Variants in NRDE2 observed in about 807,000 individuals in gnomAD.
NRDE2 encodes NRDE-2, necessary for RNA interference, domain containing, also known as nuclear exosome regulator NRDE2.
NRDE2 carries 76 observed loss-of-function variants against 124.2 expected under a neutral mutation model. The ratio of observed to expected loss-of-function variants is 0.61; its 90% confidence interval spans 0.51 to 0.74. The LOEUF is 0.74. Among genes scored for constraint, NRDE2 ranks in the 30% least tolerant of loss-of-function variants. The pLI is 0.00. For missense variants in NRDE2, 1,314 were observed against 1,417.3 expected (o/e 0.93, Z 1.17); for synonymous variants, 489 against 528.1 (o/e 0.93, Z 1.01).
At position 90,271,561 on chromosome 14, in the gene NRDE2, T is replaced by C. The variant is rs187232848; in HGVS notation, c.*6775A>G. 1 of 152,222 alleles carries C rather than the reference T, an allele frequency of 6.6e-6. No individual in the cohort carries two copies. The highest frequency in any genetic ancestry group is 1.5e-5 in the Non-Finnish European group (1 of 68,048). 9.4% of individuals were successfully genotyped at this position (152,222 alleles called of 1,614,324 possible). ...ACTTACAGTATCTAACCAGAATACA[T>C]GTTCTTTTATGACTATAAGTAAATG... On this transcript the variant is annotated 3_prime_UTR_variant, in exon 14 of 14. Coordinates refer to ENST00000354366, the MANE Select transcript of NRDE2 (RefSeq NM_017970.4).
In NRDE2 at chr14:90,288,687, G is replaced by A. The variant is rs759460055; in HGVS notation, c.2688C>T (p.Pro896=). The change falls in exon 11 of 14, where the codon CCC becomes CCT. Residue 896 remains proline, a synonymous_variant. Transcript: ENST00000354366. ...TAATTAGGCGGCTACAGGAATCGGT[G>A]GGAGCTGGATTGGAGACACAGCTGT... is the stretch of plus-strand genomic sequence containing the variant. ...LGDSCVSNPA[P]TDSCSRLISL... is the part of the protein sequence containing the mutation. 4.3e-6 allele frequency: 7 copies of A among 1,614,226 alleles called. No individual in the cohort carries two copies. The highest frequency in any genetic ancestry group is 5.9e-6 in the Non-Finnish European group (7 of 1,180,054).
chr14:90,276,722 C>A lies in NRDE2; in HGVS notation c.*1614G>T, dbSNP rs1891813360. 6.6e-6 allele frequency: 1 copy of A among 152,188 alleles called. No individual in the cohort carries two copies. Among genetic ancestry groups the A allele is most frequent in the African/African-American group, 2.4e-5 (1 of 41,420 alleles). The allele number at this position is 152,188 out of a possible 1,614,324, so 9.4% of individuals were successfully genotyped here. A position where few individuals can be genotyped will look rare whatever the true frequency, so the allele number is the denominator to read the frequency against. On this transcript the variant is annotated 3_prime_UTR_variant, in exon 14 of 14. Coordinates refer to ENST00000354366, the MANE Select transcript of NRDE2 (RefSeq NM_017970.4). Reference sequence around the variant, plus strand: ...TTCCTGGCTCTCAAGGGACAGGTTGCCACTGGGGTTTGGAGGGAACCAGCT... The same window carrying A: ...TTCCTGGCTCTCAAGGGACAGGTTGACACTGGGGTTTGGAGGGAACCAGCT...
At chr14:90,287,535 C>T (rs1025189532) in intron 11 of NRDE2, among the ~76,000 whole-genome samples, 2 of 152,062 alleles carry the variant, frequency 1.3e-5, no homozygotes, top group Non-Finnish European at 2.9e-5. Flanking sequence ...GTGGGAGGAT[C>T]ACTTGAGCCC....
At chr14:90,307,366 C>G (rs1884644457) in intron 4 of NRDE2, among the ~76,000 whole-genome samples, 1 of 152,148 alleles carries the variant, frequency 6.6e-6, no homozygotes, top group East Asian at 1.9e-4. Context: ...TATACAGGAC[C>G]TAGGCTATAA....
At chr14:90,286,634 C>T (rs553502272) in intron 11 of NRDE2, 142 bp from the exon 12 acceptor site, 4 of 1,064,714 alleles carry the variant, frequency 3.8e-6, no homozygotes, top group African/African-American at 1.6e-5. Context: ...AGGCGTAGAG[C>T]GCTGTGTATG....
At position 90,292,794 on chromosome 14, in the gene NRDE2, G is replaced by A. The variant is rs1479327117; in HGVS notation, c.1745C>T (p.Ala582Val). ...KTLPRWQIWL[A>V]AERSRDQRHW... is the part of the protein sequence containing the mutation. ...CCTCTGGTCACGGGAACGCTCAGCA[G>A]CAAGCCAGATCTGCCACCTGGGCAG... Residue 582 changes from alanine (A) to valine (V), a missense_variant, in exon 9 of 14, where the codon GCT becomes GTT. Transcript: ENST00000354366. The A allele has an allele frequency of 4.0e-5, 64 of 1,614,236 alleles. No individual in the cohort carries two copies. The highest frequency in any genetic ancestry group is 5.4e-5 in the Non-Finnish European group (64 of 1,180,034).
rs575602251 is a variant in NRDE2 at position 90,307,611 on chromosome 14, C to T, written c.558-3229G>A. Among the ~76,000 whole-genome samples, 8 of 152,020 alleles carry T rather than the reference C, an allele frequency of 5.3e-5. 1 individual carries two copies. The South Asian group carries it at 1.0e-3, about 20-fold the overall frequency. On this transcript the variant is annotated intron_variant, in intron 4 of 13. Coordinates refer to ENST00000354366, the MANE Select transcript of NRDE2 (RefSeq NM_017970.4). ...CTGCTCTTGAACTCCTGACCTCAAGCGATCCGCCCGCCTCAGCACTTTGGG... is the reference window on the plus strand; with the variant it reads ...CTGCTCTTGAACTCCTGACCTCAAGTGATCCGCCCGCCTCAGCACTTTGGG...
At position 90,304,155 on chromosome 14, in the gene NRDE2, G is replaced by A. The variant is rs183085971; in HGVS notation, c.785C>T (p.Ala262Val). ...ATTCAACCAGGTTGTAACAGGAGCC[G>A]CATCTTCCAAGTCCTTCACTGGTAT... ...SFIPVKDLED[A>V]APVTTWLNPL... The change falls in exon 5 of 14, where the codon GCG becomes GTG. Residue 262 changes from alanine to valine, a missense_variant. Transcript: ENST00000354366. 7.4e-4 allele frequency: 1,195 copies of A among 1,614,180 alleles called. 2 individuals carry two copies. Among genetic ancestry groups the A allele is most frequent in the South Asian group, 1.6e-3 (149 of 91,088 alleles).
chr14:90,270,781 T>G lies in NRDE2; in HGVS notation c.*7555A>C, dbSNP rs992352303. 1 of 154,248 alleles carries G rather than the reference T, an allele frequency of 6.5e-6. No individual in the cohort carries two copies. The highest frequency in any genetic ancestry group is 1.4e-5 in the Non-Finnish European group (1 of 69,512). The allele number at this position is 154,248 out of a possible 1,614,324, so 9.6% of individuals were successfully genotyped here. ...TACCAGATTATACTTCTTGGTTTTA[T>G]GACAAATGTACATGAGTTAGGACAT... On this transcript the variant is annotated 3_prime_UTR_variant, in exon 14 of 14. Transcript: ENST00000354366.
At chr14:90,309,060 G>A (rs964109911) in intron 4 of NRDE2, among the ~76,000 whole-genome samples, 5 of 151,934 alleles carry the variant, frequency 3.3e-5, no homozygotes, top group Non-Finnish European at 7.4e-5. Flanking sequence ...GGCTAAAACG[G>A]TGAAACTCCA....
intron 8 of NRDE2, among the ~76,000 whole-genome samples, chr14:90,295,382 A>C (rs1017446577): frequency 1.3e-5 from 2 of 152,310 alleles, no homozygotes; most frequent in East Asian, 1.9e-4. Flanking sequence ...GCATTCTATT[A>C]TTCCACCAAT....
chr14:90,279,165 T>C (rs1415442124), intron 12 of NRDE2, 32 bp from the exon 13 acceptor site: 4 of 1,531,658 alleles, frequency 2.6e-6, no homozygotes, highest in Middle Eastern at 1.7e-4. Context: ...ACAAACATGA[T>C]TAGTTGACAC....
At chr14:90,301,144 CATT>C in intron 7 of NRDE2, 92 bp downstream of exon 7, 1 of 1,258,890 alleles carries the variant, frequency 7.9e-7, no homozygotes. Flanking sequence ...CACCACCTCT[CATT>C]ATCCACACCA....
chr14:90,309,561 C>G (rs1884752567), intron 4 of NRDE2, among the ~76,000 whole-genome samples: 1 of 152,082 alleles, frequency 6.6e-6, no homozygotes. Context: ...TTCCTATCTC[C>G]CTCACAGTTA....
chr14:90,328,771 G>A (rs2139721401), intron 1 of NRDE2, among the ~76,000 whole-genome samples: 1 of 152,314 alleles, frequency 6.6e-6, no homozygotes, highest in African/African-American at 2.4e-5. Flanking sequence ...GACACTATGA[G>A]GATTTGGTGG....
chr14:90,316,654 C>G lies in NRDE2; in HGVS notation c.331G>C (p.Glu111Gln), dbSNP rs1260693178. The G allele has an allele frequency of 6.2e-7, 1 of 1,614,094 alleles. No homozygotes were observed. Among genetic ancestry groups the G allele is most frequent in the East Asian group, 2.2e-5 (1 of 44,902 alleles). ...TCCTTTTCAGAATCGGTGTCTGTCT[C>G]AGACCTGCTGCTACTCGACGGCCCA... ...KHGPSSSSRS[E>Q]TDTDSEKDKP... The change falls in exon 3 of 14, where the codon GAG becomes CAG. Residue 111 changes from glutamate to glutamine, a missense_variant. By Grantham distance (29) the Glu-to-Gln change is conservative. Coordinates refer to ENST00000354366, the MANE Select transcript of NRDE2 (RefSeq NM_017970.4).
chr14:90,327,292 G>A (rs1885475230), intron 1 of NRDE2, among the ~76,000 whole-genome samples: 1 of 152,240 alleles, frequency 6.6e-6, no homozygotes, highest in Non-Finnish European at 1.5e-5. Flanking sequence ...GCTCATGCCT[G>A]TAATCCCAGC....
intron 1 of NRDE2, among the ~76,000 whole-genome samples, chr14:90,328,402 G>T (rs895236328): frequency 2.0e-5 from 3 of 151,568 alleles, no homozygotes; most frequent in Non-Finnish European, 2.9e-5. Context: ...TAGAATAATT[G>T]ATGTTAATAA....
intron 1 of NRDE2, among the ~76,000 whole-genome samples, chr14:90,328,743 T>C (rs1292516942): frequency 2.0e-5 from 3 of 152,190 alleles, no homozygotes; most frequent in African/African-American, 7.2e-5. Context: ...AATACTGGAA[T>C]ACAGAAGCAT....
Sources: allele counts gnomAD v4.1 joint callset (sites outside exome capture counted in the v4.1 genomes callset), GRCh38; gene constraint gnomAD v4.1.1; transcripts MANE v1.5; gene names NCBI Gene and HGNC (gene_info 2026-07-23, HGNC 2026-07-21).